The following TESC variants were observed in gnomAD, a reference collection of about 807,000 sequenced individuals.
TESC encodes the protein calcineurin B homologous protein 3.
TESC carries 19 observed loss-of-function variants against 31.0 expected under a neutral mutation model. That is an observed-to-expected ratio of 0.61 (90% CI 0.43 to 0.90). TESC has a LOEUF of 0.90. TESC is among the 40% of genes least tolerant of loss of function. The probability of loss-of-function intolerance (pLI) is 0.00; values close to 1 mark genes in which losing one functional copy is unlikely to be tolerated. For synonymous variants in TESC, 109 were observed against 114.8 expected, an observed-to-expected ratio of 0.95 and a Z score of 0.32; for missense variants, 248 against 303.8, an observed-to-expected ratio of 0.82 and a Z score of 1.36.
chr12:117,053,394 T>G (rs1039830963), intron 3 of TESC, among the ~76,000 whole-genome samples: 3 of 152,114 alleles, frequency 2.0e-5, no homozygotes, highest in Non-Finnish European at 4.4e-5. Flanking sequence ...GCCTGGCAGG[T>G]GTGTGCATTC....
At chr12:117,073,472 C>G (rs769468927) in intron 2 of TESC, among the ~76,000 whole-genome samples, 31 of 152,306 alleles carry the variant, frequency 2.0e-4, no homozygotes, top group South Asian at 2.1e-4. Flanking sequence ...CCGTCAGAAT[C>G]TGAGCTCTTG....
At chr12:117,088,872 C>A (rs1359064594) in intron 1 of TESC, among the ~76,000 whole-genome samples, 1 of 152,082 alleles carries the variant, frequency 6.6e-6, no homozygotes, top group Non-Finnish European at 1.5e-5. Flanking sequence ...AGGAAGAGAC[C>A]AGGAACCAGC....
intron 1 of TESC, among the ~76,000 whole-genome samples, chr12:117,078,557 G>GA (rs11350976): frequency 0.033 from 4,954 of 151,846 alleles, 273 homozygotes; most frequent in African/African-American, 0.11. Context: ...CAAGATGGAG[G>GA]AAAAAAAATT....
In TESC at chr12:117,065,954, C is replaced by T. The variant is rs1477767260; in HGVS notation, c.129-9068G>A. 3.3e-5 allele frequency among the ~76,000 whole-genome samples: 5 copies of T among 152,038 alleles called. No homozygotes were observed. The East Asian group carries it at 7.7e-4, about 23-fold the overall frequency. ...ATTTTATTTCAAGGACAAAAGGAAA[C>T]CCAAGTCATCACTAGGGCAAAGGCA... On this transcript the variant is annotated intron_variant, in intron 2 of 7. Coordinates refer to ENST00000335209, the MANE Select transcript of TESC (RefSeq NM_017899.4).
chr12:117,062,518 G>A (rs796575355), intron 2 of TESC, among the ~76,000 whole-genome samples: 4 of 152,230 alleles, frequency 2.6e-5, no homozygotes, highest in African/African-American at 9.6e-5. Context: ...CACTGCACCC[G>A]GCCTGTGCCC....
intron 2 of TESC, among the ~76,000 whole-genome samples, chr12:117,058,002 T>C (rs891688053): frequency 2.0e-5 from 3 of 152,114 alleles, no homozygotes; most frequent in African/African-American, 4.8e-5. Flanking sequence ...GGCGGATCAC[T>C]TGAGGTCAGG....
rs1565971674 is a variant in TESC at position 117,075,917 on chromosome 12, G to GTATATATATATA, written c.59-578_59-577insTATATATATATA. 1.8e-3 allele frequency among the ~76,000 whole-genome samples: 136 copies of GTATATATATATA among 76,910 alleles called. 2 individuals carry two copies. The highest frequency in any genetic ancestry group is 9.0e-3 in the African/African-American group (126 of 14,036). 50.5% of individuals were successfully genotyped at this position (76,910 alleles called of 152,430 possible). ...TATATATATATATATATATATATGT[G>GTATATATATATA]TGTGTGTATATATATATATATATGT... On this transcript the variant is annotated intron_variant, in intron 1 of 7. Coordinates refer to ENST00000335209, the MANE Select transcript of TESC (RefSeq NM_017899.4).
At chr12:117,062,709 C>T (rs962784304) in intron 2 of TESC, among the ~76,000 whole-genome samples, 1 of 152,232 alleles carries the variant, frequency 6.6e-6, no homozygotes, top group Non-Finnish European at 1.5e-5. Flanking sequence ...GCGCTTAGGA[C>T]AGGCTAACCT....
intron 1 of TESC, among the ~76,000 whole-genome samples, chr12:117,092,383 G>T (rs1955324847): frequency 6.6e-6 from 1 of 152,224 alleles, no homozygotes; most frequent in Admixed American, 6.5e-5. Flanking sequence ...TACCAGCATG[G>T]GCTAGAGCAG....
intron 3 of TESC, among the ~76,000 whole-genome samples, 195 bp downstream of exon 3, chr12:117,056,611 C>A (rs1341900685): frequency 6.6e-6 from 1 of 152,168 alleles, no homozygotes; most frequent in Non-Finnish European, 1.5e-5. Context: ...GCCTAGAGAG[C>A]TTGAGTGAGC....
chr12:117,095,016 C>CA (rs758816373), intron 1 of TESC, among the ~76,000 whole-genome samples: 13,239 of 124,300 alleles, frequency 0.11, 893 homozygotes, highest in African/African-American at 0.19. Context: ...AAATTCATCT[C>CA]AAAAAAAAAA....
intron 3 of TESC, among the ~76,000 whole-genome samples, chr12:117,054,551 C>A (rs759483253): frequency 7.2e-5 from 11 of 152,160 alleles, no homozygotes; most frequent in Non-Finnish European, 1.3e-4. Context: ...TGGTTTAACT[C>A]TTGGTCACTC....
intron 6 of TESC, 135 bp from the exon 7 acceptor site, chr12:117,042,129 A>C (rs1422672686): frequency 1.2e-6 from 1 of 869,016 alleles, no homozygotes; most frequent in Non-Finnish European, 1.8e-6. Flanking sequence ...GAGGAATCAC[A>C]AGAAGAGGAG....
chr12:117,055,975 C>T (rs1413591365), intron 3 of TESC, among the ~76,000 whole-genome samples: 2 of 146,236 alleles, frequency 1.4e-5, no homozygotes, highest in African/African-American at 5.1e-5. Flanking sequence ...GGCTGGAGTG[C>T]GGTGGCATAA....
chr12:117,071,793 G>A (rs139732744), intron 2 of TESC, among the ~76,000 whole-genome samples: 3 of 152,124 alleles, frequency 2.0e-5, no homozygotes, highest in South Asian at 2.1e-4. Context: ...GGAGTCCGGC[G>A]CCATCAGCAC....
chr12:117,087,425 C>T (rs540746829), intron 1 of TESC, among the ~76,000 whole-genome samples: 7 of 152,270 alleles, frequency 4.6e-5, no homozygotes, highest in African/African-American at 1.7e-4. Flanking sequence ...CCTCGGATAC[C>T]AAGGGTCCTG....
At chr12:117,090,287 TTAAAG>T (rs1955289133) in intron 1 of TESC, among the ~76,000 whole-genome samples, 1 of 152,190 alleles carries the variant, frequency 6.6e-6, no homozygotes, top group African/African-American at 2.4e-5. Context: ...GTGATACAAA[TTAAAG>T]TACATTAAGG....
intron 1 of TESC, among the ~76,000 whole-genome samples, chr12:117,092,980 A>G (rs907784438): frequency 6.6e-6 from 1 of 152,196 alleles, no homozygotes; most frequent in Admixed American, 6.5e-5. Flanking sequence ...CTCCCTGAAG[A>G]TGCCAGGGGA....
intron 2 of TESC, among the ~76,000 whole-genome samples, chr12:117,059,568 T>C (rs1163818027): frequency 6.6e-6 from 1 of 152,122 alleles, no homozygotes; most frequent in Non-Finnish European, 1.5e-5. Flanking sequence ...GTTTTTTGTT[T>C]TGTTTTTTTG....
Sources: gnomAD v4.1 joint callset for allele counts (sites outside exome capture counted in the v4.1 genomes callset) on GRCh38, gnomAD v4.1.1 for gene constraint, MANE v1.5 for transcripts, NCBI Gene and HGNC (gene_info 2026-07-23, HGNC 2026-07-21) for gene names.